GBF1: variants seen among roughly 807,000 people sequenced by gnomAD.
GBF1 encodes the protein golgi brefeldin A resistant guanine nucleotide exchange factor 1.
In GBF1, 114 loss-of-function variants were observed where a neutral mutation model predicts 210.5. The ratio of observed to expected loss-of-function variants is 0.54; its 90% CI spans 0.47 to 0.63. The LOEUF is 0.63. Among genes scored for constraint, GBF1 ranks in the 30% least tolerant of loss-of-function variants. GBF1 has a pLI of 0.00. For missense variants in GBF1, 1,851 were observed against 2,357.7 expected, an observed-to-expected ratio of 0.79 and a Z score of 4.45; for synonymous variants, 850 against 889.2, an observed-to-expected ratio of 0.96 and a Z score of 0.78.
chr10:102,302,203 G>C (rs936587094), intron 3 of GBF1, among the ~76,000 whole-genome samples: 1 of 152,200 alleles, frequency 6.6e-6, no homozygotes, highest in African/African-American at 2.4e-5. Context: ...GCAGTGAGCC[G>C]AGATGGCGGG....
At chr10:102,233,644 A>C in the GBF1 span, among the ~76,000 whole-genome samples, 4 of 152,108 alleles carry the variant, frequency 2.6e-5, no homozygotes, top group Non-Finnish European at 5.9e-5. Context: ...ATTTGAAAGA[A>C]GGTAACAAGA....
chr10:102,279,843 A>G (rs1179395004), intron 3 of GBF1, among the ~76,000 whole-genome samples: 1 of 152,208 alleles, frequency 6.6e-6, no homozygotes, highest in Non-Finnish European at 1.5e-5. Context: ...TGCCCTCAAA[A>G]AAAGTGGCTT....
Position 102,379,889 on chromosome 10 carries a change from A to G in GBF1, c.4813A>G (p.Ile1605Val). The change falls in exon 36 of 40, where the codon ATC becomes GTC. Residue 1605 changes from isoleucine to valine, a missense_variant. Transcript: ENST00000369983. ...FPLLTKLLEN[I>V]SPADVGGMEE... is the part of the protein sequence containing the mutation. ...TCTACTTACCAAGCTCTTGGAGAACATCAGCCCTGCAGATGTGGGTGGGAT... is the reference window on the plus strand; with the variant it reads ...TCTACTTACCAAGCTCTTGGAGAACGTCAGCCCTGCAGATGTGGGTGGGAT... 6.2e-7 allele frequency: 1 copy of G among 1,613,904 alleles called. No individual in the cohort carries two copies. Among genetic ancestry groups the G allele is most frequent in the Non-Finnish European group, 8.5e-7 (1 of 1,179,836 alleles).
upstream of GBF1, among the ~76,000 whole-genome samples, chr10:102,245,024 A>ATAGATCGC (rs1413822436): frequency 6.6e-6 from 1 of 152,140 alleles, no homozygotes; most frequent in Admixed American, 6.5e-5. Flanking sequence ...AGGGTGTGGA[A>ATAGATCGC]TAGATCGCTG....
Position 102,260,473 on chromosome 10 carries a change from C to CTTTTTT in GBF1, c.163+359_163+360insTTTTTT, listed in dbSNP as rs879575033. On this transcript the variant is annotated intron_variant, in intron 3 of 39. Transcript: ENST00000369983. Reference sequence around the variant, plus strand: ...CTGTGCCTGGCCTATATTTTCCTTTCTTCTTTTTTTTTTTTTTTTTTTTTT... The same window carrying CTTTTTT: ...CTGTGCCTGGCCTATATTTTCCTTTCTTTTTTTTCTTTTTTTTTTTTTTTTTTTTTT... 3.6e-3 allele frequency among the ~76,000 whole-genome samples: 270 copies of CTTTTTT among 74,736 alleles called. 35 individuals carry two copies. The highest frequency in any genetic ancestry group is 7.8e-3 in the Middle Eastern group (1 of 128). 49.0% of individuals were successfully genotyped at this position (74,736 alleles called of 152,430 possible).
At chr10:102,306,196 A>G (rs2077854260) in intron 3 of GBF1, among the ~76,000 whole-genome samples, 1 of 152,170 alleles carries the variant, frequency 6.6e-6, no homozygotes, top group Non-Finnish European at 1.5e-5. Flanking sequence ...ACACATAAAC[A>G]CAAATGAGAC....
At chr10:102,280,900 G>A (rs948657558) in intron 3 of GBF1, among the ~76,000 whole-genome samples, 10 of 152,192 alleles carry the variant, frequency 6.6e-5, no homozygotes, top group South Asian at 2.1e-4. Flanking sequence ...TTCTGGGAAA[G>A]GAAGTGTTGT....
chr10:102,369,642 T>C (rs2060097701), intron 24 of GBF1, 69 bp from the exon 25 acceptor site: 1 of 1,424,872 alleles, frequency 7.0e-7, no homozygotes, highest in African/African-American at 1.4e-5. Context: ...CCAGAGAACT[T>C]TGGTGGGTGG....
At chr10:102,313,260 C>G (rs1465798779) in intron 3 of GBF1, among the ~76,000 whole-genome samples, 1 of 152,180 alleles carries the variant, frequency 6.6e-6, no homozygotes, top group Non-Finnish European at 1.5e-5. Context: ...TCATGTTCTT[C>G]TGAGTACACA....
chr10:102,375,531 T>C lies in GBF1; in HGVS notation c.3833T>C (p.Val1278Ala). ...CTGCTGGAGTGCATCGGCTCAGGTG[T>C]GAAGCCTCCAGCTGCTCTGCAGGCC... is the stretch of plus-strand genomic sequence containing the variant. ...FTLLECIGSGVKPPAALQATA... is the reference protein window; with the variant it reads ...FTLLECIGSGAKPPAALQATA... The change falls in exon 30 of 40, where the codon GTG (valine) becomes GCG (alanine). Residue 1278 changes from valine to alanine, a missense_variant. This residue lies in a region of GBF1 where 967 missense variants were observed against 1,247.7 expected (regional missense o/e 0.78). Transcript: ENST00000369983. 6.2e-7 allele frequency: 1 copy of C among 1,614,058 alleles called. No individual in the cohort carries two copies. Among genetic ancestry groups the C allele is most frequent in the Non-Finnish European group, 8.5e-7 (1 of 1,179,930 alleles).
Position 102,376,764 on chromosome 10 carries a change from ACT to A in GBF1, c.4256_4257del (p.Leu1419ProfsTer25). 6.2e-7 allele frequency: 1 copy of A among 1,608,958 alleles called. No homozygotes were observed. The highest frequency in any genetic ancestry group is 8.5e-7 in the Non-Finnish European group (1 of 1,179,862). Reference protein sequence around the residue: ...TPDNFELCVKTLRIFVEASLN... With the variant: ...TPDNFELCVKXLRIFVEASLN... The stretch of plus-strand genomic sequence containing the variant: ...TGACAACTTTGAGCTCTGCGTCAAG[ACT>A]CTCCGGATCTTTGTGGAGGCCAGTC... On this transcript the variant is annotated frameshift_variant, in exon 32 of 40. Transcript: ENST00000369983. LOFTEE classifies it high-confidence loss of function.
chr10:102,322,873 C>A (rs1363041203), intron 3 of GBF1, among the ~76,000 whole-genome samples: 1 of 151,982 alleles, frequency 6.6e-6, no homozygotes, highest in East Asian at 1.9e-4. Context: ...GCTGAGATCA[C>A]ACCACTGTAG....
chr10:102,311,747 CT>C (rs1456172676), intron 3 of GBF1, among the ~76,000 whole-genome samples: 1 of 152,212 alleles, frequency 6.6e-6, no homozygotes, highest in African/African-American at 2.4e-5. Context: ...GTAGAATCAA[CT>C]ATTCCTATGC....
At chr10:102,352,116 A>G (rs1483988484) in intron 6 of GBF1, among the ~76,000 whole-genome samples, 165 bp downstream of exon 6, 1 of 152,186 alleles carries the variant, frequency 6.6e-6, no homozygotes, top group African/African-American at 2.4e-5. Context: ...GCTATTGTGA[A>G]GCTAGAATAG....
the GBF1 span, chr10:102,232,205 TAAAG>T: frequency 1.5e-6 from 1 of 682,870 alleles, no homozygotes; most frequent in Non-Finnish European, 2.7e-6. Context: ...ACCCCAGCCG[TAAAG>T]CTGGGGCTGC....
chr10:102,236,076 G>A, the GBF1 span, among the ~76,000 whole-genome samples: 1 of 152,184 alleles, frequency 6.6e-6, no homozygotes, highest in Non-Finnish European at 1.5e-5. Flanking sequence ...AGGCAATAGA[G>A]AGATGGAAGG....
intron 3 of GBF1, among the ~76,000 whole-genome samples, chr10:102,342,389 GCACA>G (rs144630206): frequency 4.0e-4 from 57 of 144,084 alleles, no homozygotes; most frequent in Admixed American, 1.6e-3. Context: ...TCACACACAC[GCACA>G]CACACACACA....
chr10:102,275,207 G>T (rs2074843088), intron 3 of GBF1, among the ~76,000 whole-genome samples: 1 of 152,088 alleles, frequency 6.6e-6, no homozygotes, highest in African/African-American at 2.4e-5. Flanking sequence ...AATGAGGAAA[G>T]CTGTTTTTTC....
At chr10:102,326,848 T>C (rs573440234) in intron 3 of GBF1, among the ~76,000 whole-genome samples, 77 of 152,338 alleles carry the variant, frequency 5.1e-4, no homozygotes, top group African/African-American at 1.9e-3. Context: ...CAGTAGTTTT[T>C]TTCTGTTTTG....
Sources: gnomAD v4.1 joint callset for allele counts (sites outside exome capture counted in the v4.1 genomes callset) on GRCh38, gnomAD v4.1.1 for gene constraint, gnomAD v4.1.1 regional missense constraint, MANE v1.5 for transcripts, NCBI Gene and HGNC (gene_info 2026-07-23, HGNC 2026-07-21) for gene names.